SAFB: variants seen among roughly 807,000 people sequenced by gnomAD.
SAFB encodes scaffold attachment factor B1.
In SAFB, 15 loss-of-function variants were observed where a neutral mutation model predicts 101.6. That is an observed-to-expected ratio of 0.15 (90% confidence interval 0.10 to 0.23). The LOEUF (loss-of-function observed/expected upper bound fraction) is 0.23. SAFB is among the 10% of genes least tolerant of loss of function. The probability of loss-of-function intolerance (pLI) is 1.00; values close to 1 mark genes in which losing one functional copy is unlikely to be tolerated. For missense variants in SAFB, 930 were observed against 1,104.1 expected (o/e 0.84, Z 2.23); for synonymous variants, 449 against 407.5 (o/e 1.10, Z -1.23).
intron 5 of SAFB, among the ~76,000 whole-genome samples, chr19:5,647,085 G>A (rs924169415): frequency 6.6e-6 from 1 of 152,252 alleles, no homozygotes; most frequent in Non-Finnish European, 1.5e-5. Flanking sequence ...CAGTTGACTG[G>A]AATTCCAGAG....
rs1296269434 is a variant in SAFB at position 5,667,772 on chromosome 19, C to G, written c.2558-48C>G. ...AGTGGGCTAAATGTGCCGTGGGTTC[C>G]ACGCCGTGTGCGCAAGTTCCCTGTG... On this transcript the variant is annotated intron_variant, in intron 19 of 20. Coordinates refer to ENST00000588852, the MANE Select transcript of SAFB (RefSeq NM_001201338.2). The surrounding 1 kb of genome is among the most constrained non-coding windows in gnomAD (Gnocchi z 4.0). 5 of 1,597,968 alleles carry G rather than the reference C, an allele frequency of 3.1e-6. No homozygotes were observed. The highest frequency in any genetic ancestry group is 1.7e-4 in the Middle Eastern group (1 of 6,030).
rs143563020 is a variant in SAFB at position 5,623,127 on chromosome 19, C to G, written c.-79C>G. ...GCGACTGGAGCGGTTCCCTCGCAGG[C>G]GGCGCCATTTTGTGCTAGGAGCCTG... On this transcript the variant is annotated 5_prime_UTR_variant, in exon 1 of 21. Transcript: ENST00000588852. The G allele has an allele frequency of 5.0e-6, 7 of 1,401,864 alleles. No individual in the cohort carries two copies. Among genetic ancestry groups the G allele is most frequent in the Non-Finnish European group, 9.7e-7 (1 of 1,026,116 alleles). 86.8% of individuals were successfully genotyped at this position (1,401,864 alleles called of 1,614,324 possible). A position where few individuals can be genotyped will look rare whatever the true frequency, so the allele number is the denominator to read the frequency against.
Position 5,649,982 on chromosome 19 carries a change from C to T in SAFB, c.1198+7C>T, listed in dbSNP as rs1248919065. Reference sequence around the variant, plus strand: ...CTTTCCAAAGAGGAAAAGGGTAGGTCACCTCGGCGACACCAGTCCCTTGGA... The same window carrying T: ...CTTTCCAAAGAGGAAAAGGGTAGGTTACCTCGGCGACACCAGTCCCTTGGA... On this transcript the variant is annotated splice_region_variant and intron_variant, in intron 8 of 20. Transcript: ENST00000588852. 3.1e-6 allele frequency: 5 copies of T among 1,611,872 alleles called. No homozygotes were observed. The highest frequency in any genetic ancestry group is 4.2e-6 in the Non-Finnish European group (5 of 1,178,102).
intron 17 of SAFB, chr19:5,665,193 T>C (rs2054300866): frequency 6.6e-6 from 1 of 152,248 alleles, no homozygotes; most frequent in African/African-American, 2.4e-5. Context: ...CTCAGCTCTG[T>C]CTCGGGATCC....
At chr19:5,655,045 C>G (rs1306151621) in intron 13 of SAFB, among the ~76,000 whole-genome samples, 1 of 152,196 alleles carries the variant, frequency 6.6e-6, no homozygotes, top group African/African-American at 2.4e-5. Context: ...AGCACCTCCC[C>G]GTGATGCATT....
chr19:5,659,616 C>G (rs1023197197), intron 14 of SAFB, among the ~76,000 whole-genome samples: 1 of 151,704 alleles, frequency 6.6e-6, no homozygotes, highest in Admixed American at 6.6e-5. Context: ...CTCCTGACCT[C>G]GTGATCCACC....
intron 15 of SAFB, 140 bp from the exon 16 acceptor site, chr19:5,663,882 G>C: frequency 1.1e-6 from 1 of 890,376 alleles, no homozygotes; most frequent in Non-Finnish European, 1.7e-6. Context: ...GGTCAAATCA[G>C]ACCTTGCCTC....
At chr19:5,647,235 G>A (rs1418758903) in intron 5 of SAFB, among the ~76,000 whole-genome samples, 2 of 152,210 alleles carry the variant, frequency 1.3e-5, no homozygotes, top group Non-Finnish European at 2.9e-5. Context: ...ATGCCACTGA[G>A]CTGGATACTG....
At chr19:5,635,259 A>G (rs2053571849) in intron 2 of SAFB, among the ~76,000 whole-genome samples, 1 of 152,140 alleles carries the variant, frequency 6.6e-6, no homozygotes, top group African/African-American at 2.4e-5. Context: ...TAACGTGGGG[A>G]ACTGCCGTAG....
chr19:5,659,952 G>T (rs1415314638), intron 14 of SAFB, among the ~76,000 whole-genome samples: 1 of 152,152 alleles, frequency 6.6e-6, no homozygotes, highest in African/African-American at 2.4e-5. Flanking sequence ...CCCATAAACC[G>T]CAGCCCTTTC....
At chr19:5,653,452 C>T in intron 11 of SAFB, 32 bp downstream of exon 11, 3 of 1,592,048 alleles carry the variant, frequency 1.9e-6, no homozygotes, top group Non-Finnish European at 2.6e-6. Context: ...ATTAAAGGGG[C>T]AGGGTGTTTT....
At chr19:5,645,303 G>T in intron 4 of SAFB, 34 bp from the exon 5 acceptor site, 1 of 862,988 alleles carries the variant, frequency 1.2e-6, no homozygotes, top group Non-Finnish European at 2.0e-6. Flanking sequence ...TATTGTTGGT[G>T]TGATGAACTG....
intron 14 of SAFB, among the ~76,000 whole-genome samples, chr19:5,659,590 C>T (rs2054148033): frequency 6.6e-6 from 1 of 151,950 alleles, no homozygotes; most frequent in Admixed American, 6.6e-5. Context: ...ACCGTGTTAG[C>T]CAGGATGGTC....
chr19:5,661,403 C>T, intron 14 of SAFB, 115 bp from the exon 15 acceptor site: 1 of 1,526,630 alleles, frequency 6.6e-7, no homozygotes, highest in East Asian at 2.3e-5. Context: ...TTCTGCAGAC[C>T]ACGTAGTGGA....
intron 15 of SAFB, 47 bp from the exon 16 acceptor site, chr19:5,663,975 A>T (rs1339957117): frequency 1.3e-6 from 2 of 1,594,244 alleles, no homozygotes; most frequent in Admixed American, 3.5e-5. Flanking sequence ...TGATAGATAC[A>T]TTTGGGGTGG....
chr19:5,650,190 C>G (rs2053906660), intron 8 of SAFB, among the ~76,000 whole-genome samples: 1 of 152,176 alleles, frequency 6.6e-6, no homozygotes, highest in Non-Finnish European at 1.5e-5. Flanking sequence ...TGGTGCAGAT[C>G]CTTGTGTTGG....
chr19:5,647,309 G>T (rs751354788), intron 5 of SAFB, among the ~76,000 whole-genome samples: 1 of 152,200 alleles, frequency 6.6e-6, no homozygotes, highest in Non-Finnish European at 1.5e-5. Context: ...GAGGGAGGTG[G>T]CATAGGGATC....
In SAFB at chr19:5,651,027, A is replaced by T. The variant is rs1299733676; in HGVS notation, c.1248A>T (p.Thr416=). ...RNFWVSGLSS[T]TRATDLKNLF... ...TCTGGGTTAGTGGACTCTCTTCTAC[A>T]ACCAGAGCTACAGATTTGAAGAATC... Residue 416 remains threonine (T), a synonymous_variant, in exon 9 of 21, where the codon ACA becomes ACT. Coordinates refer to ENST00000588852, the MANE Select transcript of SAFB (RefSeq NM_001201338.2). 6.2e-7 allele frequency: 1 copy of T among 1,610,822 alleles called. No individual in the cohort carries two copies. The highest frequency in any genetic ancestry group is 1.3e-5 in the African/African-American group (1 of 74,820).
intron 14 of SAFB, 117 bp from the exon 15 acceptor site, chr19:5,661,401 A>G (rs974542850): frequency 2.0e-6 from 3 of 1,523,344 alleles, no homozygotes; most frequent in Non-Finnish European, 2.6e-6. Context: ...GGTTCTGCAG[A>G]CCACGTAGTG....
Sources: gnomAD v4.1 joint callset for allele counts (sites outside exome capture counted in the v4.1 genomes callset) on GRCh38, gnomAD v4.1.1 for gene constraint, Gnocchi (gnomAD v3.1) non-coding constraint, MANE v1.5 for transcripts, NCBI Gene and HGNC (gene_info 2026-07-23, HGNC 2026-07-21) for gene names.